The following DSCAML1 variants were observed in gnomAD, a reference collection of about 807,000 sequenced individuals.
DSCAML1 encodes the protein cell adhesion molecule DSCAML1.
In DSCAML1, 38 loss-of-function variants were observed where a neutral mutation model predicts 200.5. The observed-to-expected ratio is 0.19, with a 90% CI of 0.15 to 0.25. The LOEUF is 0.25. Among genes scored for constraint, DSCAML1 ranks in the 10% least tolerant of loss-of-function variants. DSCAML1 has a pLI of 1.00. For missense variants in DSCAML1, 2,223 were observed against 2,858.8 expected (o/e 0.78, Z 5.07); for synonymous variants, 1,215 against 1,165.0 (o/e 1.04, Z -0.87).
At chr11:117,810,898 C>T (rs1187172291) in intron 1 of DSCAML1, among the ~76,000 whole-genome samples, 1 of 152,148 alleles carries the variant, frequency 6.6e-6, no homozygotes, top group African/African-American at 2.4e-5. Context: ...TCCCCTCAGT[C>T]CCAACCCCAA....
In DSCAML1 at chr11:117,465,206, G is replaced by T. The variant is rs778000964; in HGVS notation, c.3025-24C>A. The T allele has an allele frequency of 3.2e-6, 5 of 1,566,160 alleles. No homozygotes were observed. The South Asian group carries it at 5.6e-5, about 17-fold the overall frequency. On this transcript the variant is annotated intron_variant, in intron 16 of 32. Coordinates refer to ENST00000651296, the MANE Select transcript of DSCAML1 (RefSeq NM_020693.4). The stretch of plus-strand genomic sequence containing the variant: ...GCCTGTGAGCATGGGGTGGGGGTGG[G>T]CACAAAGAAATGGCAACACGCTGAG...
At chr11:117,461,692 C>A in intron 17 of DSCAML1, 96 bp from the exon 18 acceptor site, 4 of 1,245,164 alleles carry the variant, frequency 3.2e-6, no homozygotes, top group Non-Finnish European at 3.4e-6. Context: ...GCAGTCCAAC[C>A]AGAGGAGCGT....
chr11:117,595,610 C>T (rs1415681727), intron 3 of DSCAML1, among the ~76,000 whole-genome samples: 3 of 152,192 alleles, frequency 2.0e-5, no homozygotes, highest in Non-Finnish European at 2.9e-5. Context: ...GGGCCGGCCC[C>T]GCCCAATTTC....
At chr11:117,466,205 CAGG>C (rs1447946930) in intron 16 of DSCAML1, among the ~76,000 whole-genome samples, 1 of 152,118 alleles carries the variant, frequency 6.6e-6, no homozygotes, top group Admixed American at 6.5e-5. Context: ...AAGTGTTCAC[CAGG>C]AGATGAGTGG....
At chr11:117,567,440 T>G (rs1347919789) in intron 3 of DSCAML1, among the ~76,000 whole-genome samples, 1 of 152,148 alleles carries the variant, frequency 6.6e-6, no homozygotes, top group Non-Finnish European at 1.5e-5. Flanking sequence ...GTTTTTTTCT[T>G]GTAAATTTGT....
chr11:117,472,709 C>T lies in DSCAML1; in HGVS notation c.2786-673G>A, dbSNP rs78738818. Among the ~76,000 whole-genome samples, 15 of 152,250 alleles carry T rather than the reference C, an allele frequency of 9.9e-5. No homozygotes were observed. In the East Asian group the frequency reaches 2.1e-3, roughly 22 times the overall value. On this transcript the variant is annotated intron_variant, in intron 14 of 32. Transcript: ENST00000651296. ...CCAGGGAGACTGGTAGTCTATCTCA[C>T]GGCTGATGTTTAGCAAAATTGTAGG...
At chr11:117,584,377 G>A (rs1386857479) in intron 3 of DSCAML1, among the ~76,000 whole-genome samples, 1 of 152,158 alleles carries the variant, frequency 6.6e-6, no homozygotes, top group Non-Finnish European at 1.5e-5. Context: ...TACCCAAGAT[G>A]GGATGTTTAG....
chr11:117,539,055 T>C (rs1455969220), intron 3 of DSCAML1, among the ~76,000 whole-genome samples: 1 of 152,078 alleles, frequency 6.6e-6, no homozygotes, highest in Non-Finnish European at 1.5e-5. Flanking sequence ...CCCATCTCAA[T>C]CCGGTCATAA....
chr11:117,654,855 G>T (rs1195761871), intron 3 of DSCAML1, among the ~76,000 whole-genome samples: 1 of 152,016 alleles, frequency 6.6e-6, no homozygotes, highest in African/African-American at 2.4e-5. Flanking sequence ...GGGTAGGAAC[G>T]GCAATGCTTT....
At position 117,504,152 on chromosome 11, in the gene DSCAML1, A is replaced by G. The variant is rs2049448084; in HGVS notation, c.2183-131T>C. On this transcript the variant is annotated intron_variant, in intron 10 of 32. Coordinates refer to ENST00000651296, the MANE Select transcript of DSCAML1 (RefSeq NM_020693.4). This position sits in a 1 kb window ranked among gnomAD's most constrained non-coding sequence, Gnocchi z 5.0. ...TTGTAGCAGAGCTGCACCATCCCCA[A>G]AGTGCTGAGGCCACATGGCTCCTGG... 1.8e-6 allele frequency: 2 copies of G among 1,093,488 alleles called. No individual in the cohort carries two copies. The allele number at this position is 1,093,488 out of a possible 1,614,324, so 67.7% of individuals were successfully genotyped here.
intron 3 of DSCAML1, among the ~76,000 whole-genome samples, chr11:117,704,755 T>C (rs2053729942): frequency 6.6e-6 from 1 of 152,210 alleles, no homozygotes; most frequent in Admixed American, 6.5e-5. Context: ...TATTAATAAC[T>C]GTTTTAATTG....
intron 3 of DSCAML1, among the ~76,000 whole-genome samples, chr11:117,763,598 T>C (rs2054844412): frequency 6.6e-6 from 1 of 151,826 alleles, no homozygotes; most frequent in African/African-American, 2.4e-5. Flanking sequence ...CTGTGATGCA[T>C]CCTGAGCCCA....
intron 3 of DSCAML1, among the ~76,000 whole-genome samples, chr11:117,633,343 C>T (rs1317968207): frequency 6.6e-6 from 1 of 152,196 alleles, no homozygotes; most frequent in Non-Finnish European, 1.5e-5. Context: ...AGAGATTCCT[C>T]CTCCCAACTG....
chr11:117,765,083 C>T (rs966419599), intron 3 of DSCAML1, among the ~76,000 whole-genome samples: 3 of 152,168 alleles, frequency 2.0e-5, no homozygotes, highest in African/African-American at 2.4e-5. Context: ...ACTTTGAGCC[C>T]CAAACTGCTC....
chr11:117,478,587 G>A (rs938484010), intron 14 of DSCAML1, among the ~76,000 whole-genome samples: 3 of 152,222 alleles, frequency 2.0e-5, no homozygotes, highest in African/African-American at 7.2e-5. Flanking sequence ...CTCAGACATT[G>A]TTAGCGGCTC....
Position 117,627,259 on chromosome 11 carries a change from ACT to A in DSCAML1, c.512-94739_512-94738del, listed in dbSNP as rs1171618958. Among the ~76,000 whole-genome samples the A allele has an allele frequency of 3.3e-5, 5 of 152,156 alleles. No homozygotes were observed. In the East Asian group the frequency reaches 7.7e-4, roughly 24 times the overall value. ...CCTTCCGCCCCCGGTCTGCTAAGACACTGTTAGAGGTTACAAGTAACCCCGCC... is the reference window on the plus strand; with the variant it reads ...CCTTCCGCCCCCGGTCTGCTAAGACAGTTAGAGGTTACAAGTAACCCCGCC... On this transcript the variant is annotated intron_variant, in intron 3 of 32. Coordinates refer to ENST00000651296, the MANE Select transcript of DSCAML1 (RefSeq NM_020693.4).
intron 1 of DSCAML1, among the ~76,000 whole-genome samples, chr11:117,790,196 G>A (rs1043140087): frequency 2.0e-5 from 3 of 152,246 alleles, no homozygotes; most frequent in South Asian, 4.1e-4. Context: ...AGATGGGACT[G>A]TGCCTACTGC....
chr11:117,561,920 C>T (rs1018423975), intron 3 of DSCAML1, among the ~76,000 whole-genome samples: 2 of 152,218 alleles, frequency 1.3e-5, no homozygotes, highest in East Asian at 3.8e-4. Flanking sequence ...CACCAATAGT[C>T]AACTGGTAGA....
intron 3 of DSCAML1, among the ~76,000 whole-genome samples, chr11:117,764,999 G>A (rs542197481): frequency 1.8e-4 from 28 of 152,292 alleles, no homozygotes; most frequent in Non-Finnish European, 2.4e-4. Context: ...CTCCCATTCC[G>A]TTGTCTGCTT....
Sources: allele counts gnomAD v4.1 joint callset (sites outside exome capture counted in the v4.1 genomes callset), GRCh38; gene constraint gnomAD v4.1.1; non-coding constraint Gnocchi (gnomAD v3.1); transcripts MANE v1.5; gene names NCBI Gene and HGNC (gene_info 2026-07-23, HGNC 2026-07-21).